The following MYO18B variants were observed in gnomAD, a reference collection of about 807,000 sequenced individuals.
MYO18B encodes the protein myosin XVIIIB, also known as unconventional myosin-XVIIIb.
Under a neutral mutation model 273.0 loss-of-function variants are expected in MYO18B, and 204 were observed. The ratio of observed to expected loss-of-function variants is 0.75; its 90% CI spans 0.67 to 0.84. MYO18B has a LOEUF of 0.84. MYO18B is among the 40% of genes least tolerant of loss of function. MYO18B has a pLI of 0.00. For missense variants in MYO18B, 3,212 were observed against 3,287.6 expected, an observed-to-expected ratio of 0.98 and a Z score of 0.56; for synonymous variants, 1,330 against 1,305.7, an observed-to-expected ratio of 1.02 and a Z score of -0.40.
At chr22:25,875,232 C>T (rs1569138786) in intron 23 of MYO18B, among the ~76,000 whole-genome samples, 5 of 152,244 alleles carry the variant, frequency 3.3e-5, no homozygotes, top group Admixed American at 2.6e-4. Context: ...TGCAGCCAGA[C>T]TGCAAGGGTT....
Position 26,027,259 on chromosome 22 carries a change from C to T in MYO18B, c.7285C>T (p.Pro2429Ser), listed in dbSNP as rs772798744. 6.2e-7 allele frequency: 1 copy of T among 1,613,998 alleles called. No homozygotes were observed. The highest frequency in any genetic ancestry group is 2.2e-5 in the East Asian group (1 of 44,866). ...LGSDPFSWKLPSLDYERKTKV... is the reference protein window; with the variant it reads ...LGSDPFSWKLSSLDYERKTKV... ...CAGTGACCCATTCAGCTGGAAACTC[C>T]CAAGCCTCGACTACGAACGCAAGAC... is the stretch of plus-strand genomic sequence containing the variant. Residue 2429 changes from proline to serine, a missense_variant, in exon 43 of 44, where the codon CCA (proline) becomes TCA (serine). Transcript: ENST00000335473. This position sits in a 1 kb window ranked among gnomAD's most constrained non-coding sequence, Gnocchi z 4.1.
intron 32 of MYO18B, 104 bp from the exon 33 acceptor site, chr22:25,910,842 C>T: frequency 1.1e-6 from 1 of 896,468 alleles, no homozygotes; most frequent in South Asian, 1.6e-5. Context: ...TGGAACAAAG[C>T]CACAAGCTCT....
chr22:26,028,548 C>G (rs1295188661), intron 43 of MYO18B: 4 of 152,192 alleles, frequency 2.6e-5, no homozygotes, highest in Admixed American at 2.6e-4. Flanking sequence ...TACTTGCTGC[C>G]CTTCCTCCCT....
At chr22:25,927,744 G>A (rs138572989) in intron 34 of MYO18B, among the ~76,000 whole-genome samples, 8,225 of 152,176 alleles carry the variant, frequency 0.054, 239 homozygotes, top group Non-Finnish European at 0.065. Flanking sequence ...ACCTACCGAC[G>A]TGTGATGTCT....
chr22:25,915,595 CTTGTAT>C (rs1030974198), intron 33 of MYO18B, among the ~76,000 whole-genome samples: 49 of 151,962 alleles, frequency 3.2e-4, no homozygotes, highest in African/African-American at 1.2e-3. Flanking sequence ...TTAAATCAGT[CTTGTAT>C]TTGTAATTTT....
intron 39 of MYO18B, among the ~76,000 whole-genome samples, chr22:25,962,943 C>T (rs1027606322): frequency 5.9e-5 from 9 of 152,030 alleles, no homozygotes; most frequent in African/African-American, 1.9e-4. Context: ...AACACAGACT[C>T]TTCACCCCTT....
chr22:25,947,919 C>T (rs1190947397), intron 36 of MYO18B, 91 bp downstream of exon 36: 2 of 887,028 alleles, frequency 2.3e-6, no homozygotes, highest in Non-Finnish European at 1.8e-6. Flanking sequence ...GGACTACTCC[C>T]TGGTCTTAAC....
At position 25,895,222 on chromosome 22, in the gene MYO18B, A is replaced by G. The variant is rs1458952191; in HGVS notation, c.4610A>G (p.Gln1537Arg). The G allele has an allele frequency of 6.2e-7, 1 of 1,609,940 alleles. No homozygotes were observed. The highest frequency in any genetic ancestry group is 2.2e-5 in the East Asian group (1 of 44,778). ...AACGAGTTCCTCAGAAAGCGTCTGC[A>G]GCAATGCGAGGAGAGGCTGGACTCG... ...MENEFLRKRL[Q>R]QCEERLDSEL... Residue 1537 changes from glutamine (Q) to arginine (R), a missense_variant, in exon 28 of 44, where the codon CAG becomes CGG. Transcript: ENST00000335473.
Position 25,947,825 on chromosome 22 carries a change from T to G in MYO18B, c.5745T>G (p.Ala1915=). Residue 1915 remains alanine, a synonymous_variant, in exon 36 of 44, where the codon GCT becomes GCG. Coordinates refer to ENST00000335473, the MANE Select transcript of MYO18B (RefSeq NM_032608.7). Reference sequence around the variant, plus strand: ...TGCAGAAGCACAAGGACCTCATTGCTCAGGTAGTGAATGAGACCTTGGTGG... The same window carrying G: ...TGCAGAAGCACAAGGACCTCATTGCGCAGGTAGTGAATGAGACCTTGGTGG... ...ELMQKHKDLI[A]QSAADIGQIQ... The G allele has an allele frequency of 1.9e-6, 3 of 1,612,826 alleles. No homozygotes were observed. The highest frequency in any genetic ancestry group is 2.5e-6 in the Non-Finnish European group (3 of 1,179,024).
At chr22:25,988,742 A>G (rs1188868865) in intron 39 of MYO18B, among the ~76,000 whole-genome samples, 1 of 152,242 alleles carries the variant, frequency 6.6e-6, no homozygotes, top group Non-Finnish European at 1.5e-5. Flanking sequence ...TAGCTATGCC[A>G]CTGTTGGTCA....
chr22:26,049,965 A>G, the MYO18B span, among the ~76,000 whole-genome samples: 115 of 152,364 alleles, frequency 7.5e-4, 1 homozygote, highest in African/African-American at 2.6e-3. Context: ...TGGAGCTTCT[A>G]AAAATTTAAA....
chr22:25,998,858 A>G (rs1447595558), intron 40 of MYO18B, among the ~76,000 whole-genome samples: 2 of 152,218 alleles, frequency 1.3e-5, no homozygotes, highest in African/African-American at 4.8e-5. Flanking sequence ...GCAAGGCCTT[A>G]GTACCATATA....
chr22:25,878,386 C>G (rs556636448), intron 25 of MYO18B, among the ~76,000 whole-genome samples: 1 of 152,222 alleles, frequency 6.6e-6, no homozygotes, highest in East Asian at 1.9e-4. Context: ...AAATAATGAA[C>G]TTTTGTTTAT....
intron 21 of MYO18B, among the ~76,000 whole-genome samples, chr22:25,864,823 T>A (rs1443754885): frequency 6.6e-6 from 1 of 152,228 alleles, no homozygotes; most frequent in Non-Finnish European, 1.5e-5. Context: ...TGGCCACATT[T>A]GACTCACGAA....
At chr22:25,810,433 A>C (rs575760544) in intron 12 of MYO18B, among the ~76,000 whole-genome samples, 121 of 96,864 alleles carry the variant, frequency 1.2e-3, no homozygotes, top group African/African-American at 4.2e-3. Context: ...ATAGGCTATA[A>C]TTTTTTTTTT....
Position 26,029,829 on chromosome 22 carries a change from C to T in MYO18B, c.*13-614C>T, listed in dbSNP as rs115507399. ...TGGAAAACAGGGGTAAGAATACCAA[C>T]TACCTAAAGTAACGCTGTGGATTTC... On this transcript the variant is annotated intron_variant, in intron 43 of 43. Coordinates refer to ENST00000335473, the MANE Select transcript of MYO18B (RefSeq NM_032608.7). Among the ~76,000 whole-genome samples, 889 of 152,306 alleles carry T rather than the reference C, an allele frequency of 5.8e-3. 15 individuals are homozygous for T. The highest frequency in any genetic ancestry group is 0.021 in the African/African-American group (857 of 41,552).
At chr22:25,870,714 C>A (rs192143816) in intron 22 of MYO18B, among the ~76,000 whole-genome samples, 1 of 152,182 alleles carries the variant, frequency 6.6e-6, no homozygotes, top group Non-Finnish European at 1.5e-5. Context: ...CATCGCCCAA[C>A]AGCTTGCTAG....
Position 25,868,364 on chromosome 22 carries a change from G to A in MYO18B, c.3930G>A (p.Ala1310=), listed in dbSNP as rs569920695. The A allele has an allele frequency of 4.1e-5, 66 of 1,601,282 alleles. No homozygotes were observed. Among genetic ancestry groups the A allele is most frequent in the African/African-American group, 2.5e-4 (19 of 74,888 alleles). Residue 1310 remains alanine (A), a synonymous_variant, in exon 22 of 44, where the codon GCG becomes GCA. Transcript: ENST00000335473. The part of the protein sequence containing the change: ...LLETLDLEKK[A]VAVGHSQVFL... The stretch of plus-strand genomic sequence containing the variant: ...AGACCCTGGATCTGGAAAAGAAGGC[G>A]GTGGCTGTGGGGCACAGCCAAGTGA...
intron 12 of MYO18B, among the ~76,000 whole-genome samples, chr22:25,814,747 G>A (rs1011321590): frequency 2.6e-5 from 4 of 152,142 alleles, no homozygotes; most frequent in Admixed American, 2.6e-4. Flanking sequence ...TGACAGTGGC[G>A]ATGATGATGG....
Sources: allele counts gnomAD v4.1 joint callset (sites outside exome capture counted in the v4.1 genomes callset), GRCh38; gene constraint gnomAD v4.1.1; non-coding constraint Gnocchi (gnomAD v3.1); transcripts MANE v1.5; gene names NCBI Gene and HGNC (gene_info 2026-07-23, HGNC 2026-07-21).